The following DECR1 variants were observed in gnomAD, a reference collection of about 807,000 sequenced individuals.
The protein encoded by DECR1 is 2,4-dienoyl-CoA reductase 1, also known as 2,4-dienoyl-CoA reductase [(3E)-enoyl-CoA-producing], mitochondrial.
DECR1 carries 44 observed loss-of-function variants against 38.8 expected under a neutral mutation model. The ratio of observed to expected loss-of-function variants is 1.13; its 90% CI spans 0.89 to 1.46. The LOEUF is 1.46. Among genes scored for constraint, DECR1 ranks in the 40% most tolerant of loss-of-function variants. DECR1 has a pLI of 0.00. For missense variants in DECR1, 428 were observed against 405.5 expected (o/e 1.06, Z -0.48); for synonymous variants, 148 against 135.2 (o/e 1.09, Z -0.66).
At position 90,051,969 on chromosome 8, in the gene DECR1, C is replaced by T; in HGVS notation, c.*72C>T. 1.5e-6 allele frequency: 2 copies of T among 1,328,154 alleles called. No homozygotes were observed. Among genetic ancestry groups the T allele is most frequent in the Non-Finnish European group, 2.2e-6 (2 of 929,860 alleles). The allele number at this position is 1,328,154 out of a possible 1,614,324, so 82.3% of individuals were successfully genotyped here. A position where few individuals can be genotyped will look rare whatever the true frequency, so the allele number is the denominator to read the frequency against. On this transcript the variant is annotated 3_prime_UTR_variant, in exon 10 of 10. Transcript: ENST00000220764. ...AAACAAATTATCTCTCATCTTTTGA[C>T]TATTTCAAGTCTAATAAATTCTTAA...
chr8:90,051,786 A>G, intron 9 of DECR1, 47 bp downstream of exon 9: 1 of 1,612,814 alleles, frequency 6.2e-7, no homozygotes, highest in South Asian at 1.1e-5. Context: ...TAGGATACTA[A>G]GCTTTAAAAA....
intron 5 of DECR1, among the ~76,000 whole-genome samples, chr8:90,033,367 C>A (rs1813543594): frequency 6.6e-6 from 1 of 152,062 alleles, no homozygotes; most frequent in African/African-American, 2.4e-5. Context: ...ATTTTCTTAA[C>A]CTCATTAATA....
chr8:90,052,079 T>G lies in DECR1; in HGVS notation c.*182T>G. 1.8e-6 allele frequency: 1 copy of G among 543,214 alleles called. No homozygotes were observed. The highest frequency in any genetic ancestry group is 3.1e-6 in the Non-Finnish European group (1 of 319,266). The allele number at this position is 543,214 out of a possible 1,614,324, so 33.6% of individuals were successfully genotyped here. On this transcript the variant is annotated 3_prime_UTR_variant, in exon 10 of 10. Transcript: ENST00000220764. ...CAAAGATAAATAAAATGAAATATAG[T>G]CCTTCAAAACATTAAAAAAAAAAAA...
intron 7 of DECR1, 25 bp from the exon 8 acceptor site, chr8:90,044,824 C>T (rs748999779): frequency 2.5e-6 from 4 of 1,595,592 alleles, no homozygotes; most frequent in South Asian, 1.1e-5. Flanking sequence ...CCCGACACAA[C>T]CTAATTGTTT....
intron 6 of DECR1, among the ~76,000 whole-genome samples, chr8:90,041,675 T>C (rs1396354245): frequency 6.6e-6 from 1 of 152,182 alleles, no homozygotes; most frequent in African/African-American, 2.4e-5. Context: ...TACTGTGGAT[T>C]GTGTAACTGA....
chr8:90,011,441 G>C (rs1043335508), intron 1 of DECR1, among the ~76,000 whole-genome samples: 1 of 152,032 alleles, frequency 6.6e-6, no homozygotes, highest in African/African-American at 2.4e-5. Flanking sequence ...TGAGTCTCTT[G>C]CATTTTCAAA....
chr8:90,007,307 A>T (rs1812768729), intron 1 of DECR1, among the ~76,000 whole-genome samples: 1 of 152,218 alleles, frequency 6.6e-6, no homozygotes, highest in Non-Finnish European at 1.5e-5. Flanking sequence ...TGCAGCTACC[A>T]GGAGCCCTTA....
At chr8:90,008,949 A>T (rs1024202568) in intron 1 of DECR1, among the ~76,000 whole-genome samples, 13 of 152,158 alleles carry the variant, frequency 8.5e-5, no homozygotes, top group African/African-American at 2.9e-4. Flanking sequence ...GGCTTGTTAT[A>T]CAAGTGTCCT....
At chr8:90,050,701 G>A (rs1814055921) in intron 8 of DECR1, among the ~76,000 whole-genome samples, 1 of 152,056 alleles carries the variant, frequency 6.6e-6, no homozygotes, top group African/African-American at 2.4e-5. Flanking sequence ...TATAAATCAT[G>A]GTGCTATAAA....
chr8:90,039,169 G>T (rs772577616), intron 6 of DECR1, among the ~76,000 whole-genome samples: 25 of 152,144 alleles, frequency 1.6e-4, no homozygotes, highest in Non-Finnish European at 3.1e-4. Flanking sequence ...TCTACATGTT[G>T]TTTGGGCCCT....
At chr8:90,049,458 T>C (rs890644234) in intron 8 of DECR1, among the ~76,000 whole-genome samples, 1 of 152,022 alleles carries the variant, frequency 6.6e-6, no homozygotes, top group Non-Finnish European at 1.5e-5. Context: ...TACCTAGGAA[T>C]CCAACTTACA....
At chr8:90,045,066 C>A (rs758000859) in intron 8 of DECR1, 71 bp downstream of exon 8, 1 of 1,416,854 alleles carries the variant, frequency 7.1e-7, no homozygotes, top group Non-Finnish European at 1.0e-6. Flanking sequence ...TGTTGTGGAA[C>A]CAATCCTGAC....
intron 5 of DECR1, among the ~76,000 whole-genome samples, chr8:90,028,223 A>G (rs556112895): frequency 6.6e-6 from 1 of 152,292 alleles, no homozygotes; most frequent in East Asian, 1.9e-4. Context: ...CATCAGAGGC[A>G]TATTATATAA....
At chr8:90,037,068 C>T (rs1213716158) in intron 6 of DECR1, 128 bp downstream of exon 6, 1 of 643,586 alleles carries the variant, frequency 1.6e-6, no homozygotes, top group African/African-American at 1.8e-5. Context: ...CACCATGAGA[C>T]ATACATTTTA....
At chr8:90,044,807 T>C (rs1301120163) in intron 7 of DECR1, 42 bp from the exon 8 acceptor site, 1 of 1,572,554 alleles carries the variant, frequency 6.4e-7, no homozygotes, top group Non-Finnish European at 8.6e-7. Flanking sequence ...AGGAATTGAT[T>C]GAAAAACCCG....
intron 8 of DECR1, among the ~76,000 whole-genome samples, chr8:90,047,753 A>G (rs1228461885): frequency 6.6e-6 from 1 of 152,152 alleles, no homozygotes; most frequent in Non-Finnish European, 1.5e-5. Flanking sequence ...ACCACATCTC[A>G]CTTATTCCAA....
At chr8:90,032,690 T>A (rs539535710) in intron 5 of DECR1, among the ~76,000 whole-genome samples, 71 of 152,264 alleles carry the variant, frequency 4.7e-4, no homozygotes, top group African/African-American at 1.4e-3. Flanking sequence ...ATCTGTAATG[T>A]AAAACATGCT....
chr8:90,042,271 G>A (rs1813781718), intron 6 of DECR1, among the ~76,000 whole-genome samples: 1 of 152,146 alleles, frequency 6.6e-6, no homozygotes, highest in Non-Finnish European at 1.5e-5. Context: ...TATGAGTAAA[G>A]TTATAATGAA....
intron 1 of DECR1, among the ~76,000 whole-genome samples, chr8:90,013,197 G>A (rs1227030650): frequency 1.3e-5 from 2 of 152,132 alleles, no homozygotes; most frequent in Non-Finnish European, 2.9e-5. Flanking sequence ...ATGATAAATA[G>A]CTAAACTAAG....
Sources: allele counts gnomAD v4.1 joint callset (sites outside exome capture counted in the v4.1 genomes callset), GRCh38; gene constraint gnomAD v4.1.1; transcripts MANE v1.5; gene names NCBI Gene and HGNC (gene_info 2026-07-23, HGNC 2026-07-21).